The following RPTOR variants were observed in gnomAD, a reference collection of about 807,000 sequenced individuals.
RPTOR encodes regulatory-associated protein of mTOR.
In RPTOR, 21 loss-of-function variants were observed where a neutral mutation model predicts 169.9. The observed-to-expected ratio is 0.12, with a 90% CI of 0.09 to 0.18. The LOEUF (loss-of-function observed/expected upper bound fraction) is 0.18. Among genes scored for constraint, RPTOR ranks in the 10% least tolerant of loss-of-function variants. The pLI is 1.00. For synonymous variants in RPTOR, 732 were observed against 753.2 expected (o/e 0.97, Z 0.46); for missense variants, 1,133 against 1,855.9 (o/e 0.61, Z 7.16).
chr17:80,643,077 A>G (rs2065566153), intron 2 of RPTOR, among the ~76,000 whole-genome samples: 1 of 152,236 alleles, frequency 6.6e-6, no homozygotes, highest in African/African-American at 2.4e-5. Flanking sequence ...CATAGAGTAG[A>G]TATTGATAGA....
In RPTOR at chr17:80,893,871, T is replaced by A; in HGVS notation, c.2401+6T>A. 6.6e-7 allele frequency: 1 copy of A among 1,516,948 alleles called. No individual in the cohort carries two copies. The highest frequency in any genetic ancestry group is 8.8e-7 in the Non-Finnish European group (1 of 1,130,610). 94.0% of individuals were successfully genotyped at this position (1,516,948 alleles called of 1,614,324 possible). The stretch of plus-strand genomic sequence containing the variant: ...CTCCCTCAACTCCCTCATCGGTGAG[T>A]CCGCCTGCCCCTTTCTGCTTCCGAG... On this transcript the variant is annotated splice_donor_region_variant and intron_variant, in intron 20 of 33. Coordinates refer to ENST00000306801, the MANE Select transcript of RPTOR (RefSeq NM_020761.3).
chr17:80,739,612 G>A (rs984920300), intron 5 of RPTOR, among the ~76,000 whole-genome samples: 2 of 152,062 alleles, frequency 1.3e-5, no homozygotes, highest in Non-Finnish European at 2.9e-5. Context: ...AAACAGCACA[G>A]CGTGTGTTCT....
At chr17:80,883,234 A>T (rs2068205672) in intron 14 of RPTOR, among the ~76,000 whole-genome samples, 185 bp from the exon 15 acceptor site, 1 of 152,204 alleles carries the variant, frequency 6.6e-6, no homozygotes, top group African/African-American at 2.4e-5. Context: ...TGGAGCTCTA[A>T]GGCCTTTGAA....
intron 3 of RPTOR, among the ~76,000 whole-genome samples, chr17:80,706,843 C>G (rs2066145897): frequency 6.6e-6 from 1 of 152,156 alleles, no homozygotes; most frequent in Admixed American, 6.5e-5. Context: ...TTGACTCAGC[C>G]CACCCAAGCA....
At chr17:80,902,371 T>C (rs1423228896) in intron 20 of RPTOR, among the ~76,000 whole-genome samples, 2 of 152,236 alleles carry the variant, frequency 1.3e-5, no homozygotes, top group Non-Finnish European at 2.9e-5. Context: ...CACCCCTGGC[T>C]GGCCCCTGGC....
At chr17:80,602,735 A>G in intron 1 of RPTOR, 3 of 766,546 alleles carry the variant, frequency 3.9e-6, no homozygotes, top group Admixed American at 3.5e-5. Flanking sequence ...GCCTGGTGTC[A>G]ATGCACACAT....
intron 20 of RPTOR, among the ~76,000 whole-genome samples, chr17:80,898,668 CT>C (rs2068436966): frequency 2.4e-5 from 3 of 124,882 alleles, no homozygotes; most frequent in African/African-American, 6.2e-5. Flanking sequence ...TCCCCCCCCG[CT>C]CCCCCCACCC....
intron 6 of RPTOR, among the ~76,000 whole-genome samples, chr17:80,760,931 G>A (rs1430758021): frequency 6.6e-6 from 1 of 152,216 alleles, no homozygotes; most frequent in Non-Finnish European, 1.5e-5. Flanking sequence ...GTACTTGGTG[G>A]CAAGCGTATT....
intron 6 of RPTOR, among the ~76,000 whole-genome samples, chr17:80,761,764 G>T (rs1322836902): frequency 6.6e-6 from 1 of 152,104 alleles, no homozygotes; most frequent in Non-Finnish European, 1.5e-5. Flanking sequence ...CAGTGCTCTC[G>T]GGTCTTTTGC....
At chr17:80,588,420 C>A (rs914451113) in intron 1 of RPTOR, among the ~76,000 whole-genome samples, 4 of 150,370 alleles carry the variant, frequency 2.7e-5, no homozygotes, top group African/African-American at 1.0e-4. Flanking sequence ...TCCTCAGCCT[C>A]CCAGTGTTGG....
chr17:80,602,543 C>T lies in RPTOR; in HGVS notation c.163-23148C>T, dbSNP rs1032245824. Reference sequence around the variant, plus strand: ...AACTTTATTTGATGTATTTGATGATCAGCGATTAGTTCTCATCCACATTGA... The same window carrying T: ...AACTTTATTTGATGTATTTGATGATTAGCGATTAGTTCTCATCCACATTGA... On this transcript the variant is annotated intron_variant, in intron 1 of 33. Transcript: ENST00000306801. The T allele has an allele frequency of 1.3e-5, 7 of 532,302 alleles. No homozygotes were observed. The East Asian group carries it at 2.2e-4, about 17-fold the overall frequency. 33.0% of individuals were successfully genotyped at this position (532,302 alleles called of 1,614,324 possible). A position where few individuals can be genotyped will look rare whatever the true frequency, so the allele number is the denominator to read the frequency against.
chr17:80,825,811 G>T (rs1041050901), intron 9 of RPTOR, among the ~76,000 whole-genome samples: 2 of 152,198 alleles, frequency 1.3e-5, no homozygotes, highest in Non-Finnish European at 2.9e-5. Flanking sequence ...GATCCAGCCC[G>T]CATGGTCCAT....
At chr17:80,665,958 T>C (rs1396998824) in intron 3 of RPTOR, among the ~76,000 whole-genome samples, 1 of 152,154 alleles carries the variant, frequency 6.6e-6, no homozygotes, top group Non-Finnish European at 1.5e-5. Flanking sequence ...ACTGAGTATC[T>C]CTCCCTCCCA....
chr17:80,684,623 T>G (rs1278778507), intron 3 of RPTOR, among the ~76,000 whole-genome samples: 2 of 151,996 alleles, frequency 1.3e-5, no homozygotes, highest in Non-Finnish European at 2.9e-5. Context: ...TTTTTGTATT[T>G]TTTAGTAGAG....
At chr17:80,744,279 A>G (rs375578032) in intron 5 of RPTOR, among the ~76,000 whole-genome samples, 1,322 of 85,908 alleles carry the variant, frequency 0.015, 16 homozygotes, top group African/African-American at 0.022. Context: ...AGCCCTGGTT[A>G]CTAGCACTGT....
At chr17:80,612,239 C>T (rs2065276726) in intron 1 of RPTOR, among the ~76,000 whole-genome samples, 1 of 152,194 alleles carries the variant, frequency 6.6e-6, no homozygotes, top group African/African-American at 2.4e-5. Flanking sequence ...GAGTGATCTT[C>T]ACACCTTACC....
intron 24 of RPTOR, among the ~76,000 whole-genome samples, chr17:80,929,393 C>A (rs1336368579): frequency 1.3e-5 from 2 of 152,146 alleles, no homozygotes; most frequent in Non-Finnish European, 2.9e-5. Flanking sequence ...TTTTTTTCAT[C>A]ATTTACTTCT....
At chr17:80,761,141 G>T (rs2066732867) in intron 6 of RPTOR, among the ~76,000 whole-genome samples, 1 of 151,868 alleles carries the variant, frequency 6.6e-6, no homozygotes, top group South Asian at 2.1e-4. Context: ...TTTTTCCCTT[G>T]GCTGTTTTCT....
intron 5 of RPTOR, among the ~76,000 whole-genome samples, chr17:80,744,499 GCAC>G (rs1296066027): frequency 2.1e-5 from 2 of 96,464 alleles, no homozygotes; most frequent in African/African-American, 1.1e-4. Flanking sequence ...CTGGCTACTA[GCAC>G]TGTCCTGGTT....
Sources: gnomAD v4.1 joint callset for allele counts (sites outside exome capture counted in the v4.1 genomes callset) on GRCh38, gnomAD v4.1.1 for gene constraint, MANE v1.5 for transcripts, NCBI Gene and HGNC (gene_info 2026-07-23, HGNC 2026-07-21) for gene names.